CACNA2D3: variants seen among roughly 807,000 people sequenced by gnomAD.
CACNA2D3 encodes the protein calcium voltage-gated channel auxiliary subunit alpha2delta 3, also known as voltage-dependent calcium channel subunit alpha-2/delta-3.
Under a neutral mutation model 160.6 loss-of-function variants are expected in CACNA2D3, and 60 were observed. That is an observed-to-expected ratio of 0.37 (90% CI 0.30 to 0.46). The LOEUF (loss-of-function observed/expected upper bound fraction) is 0.46. Ranked by LOEUF, CACNA2D3 falls within the 20% of genes least tolerant of loss-of-function variation. The probability of loss-of-function intolerance (pLI) is 1.00; values close to 1 mark genes in which losing one functional copy is unlikely to be tolerated. For missense variants in CACNA2D3, 1,205 were observed against 1,365.0 expected, an observed-to-expected ratio of 0.88 and a Z score of 1.85; for synonymous variants, 558 against 492.9, an observed-to-expected ratio of 1.13 and a Z score of -1.75.
chr3:54,912,093 T>A (rs1417889636), intron 27 of CACNA2D3, among the ~76,000 whole-genome samples: 1 of 152,148 alleles, frequency 6.6e-6, no homozygotes, highest in Non-Finnish European at 1.5e-5. Context: ...CAGGATTCAG[T>A]TAGCTCCTTG....
chr3:54,286,314 G>C (rs1575369242), intron 2 of CACNA2D3, among the ~76,000 whole-genome samples: 1 of 152,216 alleles, frequency 6.6e-6, no homozygotes, highest in Non-Finnish European at 1.5e-5. Context: ...CGATCAACTG[G>C]AAGAAAGGGT....
chr3:54,806,558 A>T (rs1474607881), intron 13 of CACNA2D3, among the ~76,000 whole-genome samples: 2 of 151,894 alleles, frequency 1.3e-5, no homozygotes, highest in African/African-American at 2.4e-5. Flanking sequence ...AAAAGAGGAT[A>T]CAAACAAATG....
chr3:54,866,359 C>T (rs1007032114), intron 17 of CACNA2D3, among the ~76,000 whole-genome samples: 6 of 152,164 alleles, frequency 3.9e-5, no homozygotes, highest in Non-Finnish European at 7.3e-5. Context: ...GGAGAGAAGA[C>T]ACAGGGCTTC....
chr3:54,535,010 T>C (rs1701866315), intron 5 of CACNA2D3, among the ~76,000 whole-genome samples: 1 of 152,230 alleles, frequency 6.6e-6, no homozygotes, highest in African/African-American at 2.4e-5. Context: ...TTTTTCATGG[T>C]AAAAATGACC....
At chr3:54,673,956 G>A (rs1331497325) in intron 11 of CACNA2D3, among the ~76,000 whole-genome samples, 4 of 152,166 alleles carry the variant, frequency 2.6e-5, no homozygotes, top group African/African-American at 7.2e-5. Flanking sequence ...GACTTAAACC[G>A]CCGGCAGCTG....
chr3:54,200,162 A>G (rs1324289947), intron 2 of CACNA2D3, among the ~76,000 whole-genome samples: 4 of 152,204 alleles, frequency 2.6e-5, no homozygotes, highest in Non-Finnish European at 5.9e-5. Flanking sequence ...GAAAATTCCA[A>G]TCAGACCCAA....
At chr3:54,957,232 T>G (rs1355661230) in intron 27 of CACNA2D3, among the ~76,000 whole-genome samples, 1 of 151,858 alleles carries the variant, frequency 6.6e-6, no homozygotes, top group South Asian at 2.1e-4. Context: ...CAATCATAGC[T>G]CAATGCAGCC....
rs6792292 is a variant in CACNA2D3, at chr3:54,253,698, A to C, written c.205-66744A>C. On this transcript the variant is annotated intron_variant, in intron 2 of 37. Coordinates refer to ENST00000474759, the MANE Select transcript of CACNA2D3 (RefSeq NM_018398.3). ...AGTATTTGTGAGCTTGTGTACCCAT[A>C]TGTGCCTTTTGGAGGACTTAAAGGA... Among the ~76,000 whole-genome samples the C allele has an allele frequency of 1.4e-3, 209 of 151,928 alleles. 1 individual carries two copies. The highest frequency in any genetic ancestry group is 4.9e-3 in the African/African-American group (201 of 41,406).
chr3:54,304,010 G>T (rs867304527), intron 2 of CACNA2D3, among the ~76,000 whole-genome samples: 1 of 151,944 alleles, frequency 6.6e-6, no homozygotes, highest in Non-Finnish European at 1.5e-5. Context: ...AGTATAAAAT[G>T]ATTCTCTAAC....
intron 27 of CACNA2D3, among the ~76,000 whole-genome samples, chr3:54,911,727 A>T (rs939380810): frequency 7.9e-5 from 12 of 151,930 alleles, no homozygotes; most frequent in African/African-American, 2.9e-4. Context: ...TCTTCATTTT[A>T]TTCTTCATAT....
At chr3:54,701,346 G>GA (rs1365290428) in intron 11 of CACNA2D3, among the ~76,000 whole-genome samples, 2 of 152,206 alleles carry the variant, frequency 1.3e-5, no homozygotes, top group Admixed American at 6.5e-5. Flanking sequence ...CCATGTACAG[G>GA]AAGCCTAATA....
intron 2 of CACNA2D3, among the ~76,000 whole-genome samples, chr3:54,124,692 G>A (rs1699552145): frequency 6.6e-6 from 1 of 152,134 alleles, no homozygotes; most frequent in Non-Finnish European, 1.5e-5. Flanking sequence ...TCCAAATATC[G>A]TAATAAAGCG....
intron 5 of CACNA2D3, among the ~76,000 whole-genome samples, chr3:54,557,851 G>C (rs1291275826): frequency 6.6e-6 from 1 of 152,138 alleles, no homozygotes; most frequent in East Asian, 1.9e-4. Context: ...GGCTATGATA[G>C]GGTTTATTAC....
chr3:54,675,665 C>T (rs1700231502), intron 11 of CACNA2D3, among the ~76,000 whole-genome samples: 1 of 152,094 alleles, frequency 6.6e-6, no homozygotes, highest in African/African-American at 2.4e-5. Flanking sequence ...CCTGGGGTGC[C>T]ACTCATATTT....
intron 31 of CACNA2D3, among the ~76,000 whole-genome samples, chr3:54,998,757 T>A (rs1429515616): frequency 6.9e-6 from 1 of 145,762 alleles, no homozygotes; most frequent in Non-Finnish European, 1.5e-5. Context: ...TGTTTTGTTT[T>A]GTTTTTTGAG....
At chr3:54,273,205 G>T (rs1702657226) in intron 2 of CACNA2D3, 1 of 152,222 alleles carries the variant, frequency 6.6e-6, no homozygotes, top group African/African-American at 2.4e-5. Context: ...GAAGGCCCAG[G>T]GTTTGTTCTT....
intron 3 of CACNA2D3, among the ~76,000 whole-genome samples, chr3:54,336,931 G>A (rs1024804924): frequency 6.6e-6 from 1 of 152,182 alleles, no homozygotes; most frequent in Non-Finnish European, 1.5e-5. Flanking sequence ...ATTAGAGTGG[G>A]TGCAAGTGGG....
chr3:54,756,556 A>G (rs939819956), intron 12 of CACNA2D3, among the ~76,000 whole-genome samples: 1 of 152,182 alleles, frequency 6.6e-6, no homozygotes, highest in Non-Finnish European at 1.5e-5. Flanking sequence ...GACTCAGCCA[A>G]GTTCTGCAGT....
At chr3:54,893,016 C>T (rs902273451) in intron 25 of CACNA2D3, among the ~76,000 whole-genome samples, 7 of 152,216 alleles carry the variant, frequency 4.6e-5, no homozygotes, top group African/African-American at 1.7e-4. Flanking sequence ...TGACTCATGC[C>T]TGTAATCCCA....
Sources: gnomAD v4.1 joint callset for allele counts (sites outside exome capture counted in the v4.1 genomes callset) on GRCh38, gnomAD v4.1.1 for gene constraint, MANE v1.5 for transcripts, NCBI Gene and HGNC (gene_info 2026-07-23, HGNC 2026-07-21) for gene names.